NBDY: variants seen among roughly 807,000 people sequenced by gnomAD.
NBDY encodes negative regulator of P-body association.
At chrX:56,767,706 C>T (rs79882600) in intron 2 of NBDY, among the ~76,000 whole-genome samples, 64 of 112,141 alleles carry the variant, frequency 5.7e-4, no homozygotes, top group Middle Eastern at 4.6e-3. Context: ...TATGTTTTCT[C>T]CTTCCTCTTT....
chrX:56,795,489 C>T (rs1245286297), intron 2 of NBDY, among the ~76,000 whole-genome samples: 1 of 112,300 alleles, frequency 8.9e-6, no homozygotes, highest in Non-Finnish European at 1.9e-5. Context: ...GCTTGGAACA[C>T]AATGCTCTCT....
intron 2 of NBDY, among the ~76,000 whole-genome samples, chrX:56,780,705 A>G (rs2069680445): frequency 3.1e-5 from 2 of 64,469 alleles, no homozygotes; most frequent in African/African-American, 1.2e-4. Context: ...CTGCACTCTC[A>G]CGGCATTCCG....
Position 56,737,449 on chromosome X carries a change from G to A in NBDY, c.*166+5250G>A, listed in dbSNP as rs878907589. 105 of 690,747 alleles carry A rather than the reference G, an allele frequency of 1.5e-4. 1 individual carries two copies. The Middle Eastern group carries it at 3.4e-3, about 23-fold the overall frequency. The allele number at this position is 690,747 out of a possible 1,213,427, so 56.9% of individuals were successfully genotyped here. ...GAAGCCTTCTTATGGCTTCTTTTAT[G>A]TCTTCATCCTCATATATTGTATCAT... On this transcript the variant is annotated intron_variant, in intron 2 of 2. Transcript: ENST00000374922.
chrX:56,751,769 A>C lies in NBDY; in HGVS notation c.*166+19570A>C, dbSNP rs1402219926. Among the ~76,000 whole-genome samples the C allele has an allele frequency of 3.6e-5, 4 of 111,937 alleles. No homozygotes were observed. The Admixed American group carries it at 3.8e-4, about 11-fold the overall frequency. ...ATTTAAGTGGAATCACAGAATATGT[A>C]CTCTTTTTAAAATTTTAACTATTAT... On this transcript the variant is annotated intron_variant, in intron 2 of 2. Transcript: ENST00000374922.
intron 2 of NBDY, among the ~76,000 whole-genome samples, chrX:56,763,917 T>C (rs1028734037): frequency 8.9e-6 from 1 of 112,491 alleles, no homozygotes; most frequent in African/African-American, 3.2e-5. Flanking sequence ...TAGTTGGCGT[T>C]TGTGGAGCCA....
At chrX:56,783,296 A>G (rs1454455338) in intron 2 of NBDY, among the ~76,000 whole-genome samples, 2 of 112,930 alleles carry the variant, frequency 1.8e-5, no homozygotes, top group Non-Finnish European at 3.8e-5. Context: ...GCCGGGCATG[A>G]GTCGCCCAAC....
At chrX:56,736,797 G>A (rs531272159) in intron 2 of NBDY, among the ~76,000 whole-genome samples, 5 of 111,912 alleles carry the variant, frequency 4.5e-5, no homozygotes, top group Non-Finnish European at 9.4e-5. Context: ...ACCTATGTTG[G>A]AGTGCATACA....
At chrX:56,805,452 C>G (rs771488687) in intron 2 of NBDY, among the ~76,000 whole-genome samples, 10 of 112,538 alleles carry the variant, frequency 8.9e-5, no homozygotes, top group Non-Finnish European at 1.7e-4. Context: ...TCCCGTAAAA[C>G]CTGGATCCCA....
intron 2 of NBDY, among the ~76,000 whole-genome samples, chrX:56,781,741 G>A (rs1436271286): frequency 8.9e-6 from 1 of 112,177 alleles, no homozygotes; most frequent in African/African-American, 3.2e-5. Flanking sequence ...CAGGCTTACT[G>A]TTTCTAAGGA....
intron 2 of NBDY, chrX:56,737,348 G>C (rs2069501025): frequency 2.8e-6 from 2 of 726,404 alleles, no homozygotes; most frequent in Non-Finnish European, 4.4e-6. Flanking sequence ...CTGCTCTTTA[G>C]GCAAGATCTG....
intron 2 of NBDY, among the ~76,000 whole-genome samples, chrX:56,811,675 A>T (rs1023666683): frequency 3.6e-5 from 4 of 112,018 alleles, no homozygotes; most frequent in Non-Finnish European, 1.9e-5. Context: ...AAGCCAGTAG[A>T]TCTTAGCTTG....
At chrX:56,794,090 C>A (rs749401940) in intron 2 of NBDY, among the ~76,000 whole-genome samples, 1 of 112,375 alleles carries the variant, frequency 8.9e-6, no homozygotes, top group Non-Finnish European at 1.9e-5. Context: ...GGTCTGCAGG[C>A]TGCATGGCTG....
chrX:56,762,197 T>C (rs920386121), intron 2 of NBDY, among the ~76,000 whole-genome samples: 2 of 111,600 alleles, frequency 1.8e-5, no homozygotes, highest in Non-Finnish European at 3.8e-5. Context: ...ACAGCTGAGG[T>C]GGCATGAAGC....
intron 2 of NBDY, among the ~76,000 whole-genome samples, chrX:56,739,835 A>G (rs2069523101): frequency 1.8e-5 from 2 of 111,779 alleles, no homozygotes; most frequent in Non-Finnish European, 3.8e-5. Context: ...TCATTAAATT[A>G]TCATCCACTG....
chrX:56,781,077 C>T (rs993849949), intron 2 of NBDY, among the ~76,000 whole-genome samples: 9 of 111,470 alleles, frequency 8.1e-5, no homozygotes, highest in Non-Finnish European at 1.3e-4. Flanking sequence ...AAGTAAGGAA[C>T]GCAGGAACTT....
At chrX:56,751,816 C>G (rs757848605) in intron 2 of NBDY, among the ~76,000 whole-genome samples, 1 of 112,124 alleles carries the variant, frequency 8.9e-6, no homozygotes, top group African/African-American at 3.2e-5. Context: ...GGGCTACATA[C>G]GCAGGTTTAT....
chrX:56,747,849 A>G (rs967983604), intron 2 of NBDY, among the ~76,000 whole-genome samples: 17 of 111,573 alleles, frequency 1.5e-4, no homozygotes, highest in Admixed American at 9.6e-4. Context: ...TTTATGAAGT[A>G]TTATTGATTA....
intron 2 of NBDY, among the ~76,000 whole-genome samples, chrX:56,798,112 GC>G (rs1265530315): frequency 3.6e-5 from 4 of 112,106 alleles, no homozygotes; most frequent in African/African-American, 1.3e-4. Context: ...CAAGCAATGG[GC>G]TATGGGCAAG....
chrX:56,801,702 C>T (rs1033582323), intron 2 of NBDY, among the ~76,000 whole-genome samples: 2 of 110,842 alleles, frequency 1.8e-5, no homozygotes, highest in Non-Finnish European at 3.8e-5. Flanking sequence ...GGAGCCTTGG[C>T]AAGTTGTCCC....
Sources: allele counts gnomAD v4.1 joint callset (sites outside exome capture counted in the v4.1 genomes callset), GRCh38; gene constraint gnomAD v4.1.1; transcripts MANE v1.5; gene names NCBI Gene and HGNC (gene_info 2026-07-23, HGNC 2026-07-21).